Variants in NR3C1 observed in about 807,000 individuals in gnomAD.
NR3C1 encodes the protein glucocorticoid receptor.
NR3C1 carries 14 observed loss-of-function variants against 74.0 expected under a neutral mutation model. That is an observed-to-expected ratio of 0.19 (90% CI 0.12 to 0.30). NR3C1 has a LOEUF of 0.30. NR3C1 is among the 10% of genes least tolerant of loss of function. The pLI, the probability that NR3C1 is intolerant of heterozygous loss-of-function variation, is 1.00. For missense variants in NR3C1, 695 were observed against 909.8 expected, an observed-to-expected ratio of 0.76 and a Z score of 3.04; for synonymous variants, 308 against 332.5, an observed-to-expected ratio of 0.93 and a Z score of 0.80.
upstream of NR3C1, chr5:143,403,913 G>C (rs1055045938): frequency 7.1e-6 from 7 of 983,046 alleles, no homozygotes; most frequent in South Asian, 2.3e-4. Flanking sequence ...CGCCCCGCCC[G>C]GTGCGCCGCG....
At chr5:143,332,637 C>T in intron 2 of NR3C1, 9 of 1,549,774 alleles carry the variant, frequency 5.8e-6, no homozygotes, top group Non-Finnish European at 7.0e-6. Context: ...AGGAAAAGGG[C>T]TCAGGTTTAA....
intron 2 of NR3C1, among the ~76,000 whole-genome samples, chr5:143,343,919 CTCAT>C (rs1828720215): frequency 1.3e-5 from 2 of 152,178 alleles, no homozygotes; most frequent in Admixed American, 6.5e-5. Context: ...AACTGCAAAT[CTCAT>C]TCACTCAATT....
At chr5:143,402,188 CACGAG>C (rs1281252561) in intron 1 of NR3C1, among the ~76,000 whole-genome samples, 2 of 152,182 alleles carry the variant, frequency 1.3e-5, no homozygotes, top group African/African-American at 2.4e-5. Flanking sequence ...GATCTCTAAA[CACGAG>C]GTATCGAATG....
intron 2 of NR3C1, among the ~76,000 whole-genome samples, chr5:143,397,033 T>C (rs547706651): frequency 6.6e-6 from 1 of 151,968 alleles, no homozygotes; most frequent in African/African-American, 2.4e-5. Flanking sequence ...GTTTCTCTTG[T>C]TTTACTATAA....
chr5:143,370,739 A>C (rs929121638), intron 2 of NR3C1, among the ~76,000 whole-genome samples: 2 of 152,228 alleles, frequency 1.3e-5, no homozygotes, highest in Non-Finnish European at 2.9e-5. Context: ...ATAGATGAAG[A>C]AACACAAAAA....
At chr5:143,365,836 T>C (rs771438788) in intron 2 of NR3C1, among the ~76,000 whole-genome samples, 1 of 152,048 alleles carries the variant, frequency 6.6e-6, no homozygotes, top group African/African-American at 2.4e-5. Context: ...ACACTGAGAA[T>C]TAACAAAGAA....
upstream of NR3C1, chr5:143,405,077 C>T: frequency 2.1e-6 from 2 of 973,380 alleles, no homozygotes; most frequent in Non-Finnish European, 2.4e-6. Context: ...GTGCGGGAAG[C>T]CCCCGCCCCA....
At position 143,278,043 on chromosome 5, in the gene NR3C1, C is replaced by T. The variant is rs1365619187; in HGVS notation, c.*3846G>A. The T allele has an allele frequency of 6.6e-6, 1 of 152,042 alleles. No individual in the cohort carries two copies. Among genetic ancestry groups the T allele is most frequent in the African/African-American group, 2.4e-5 (1 of 41,390 alleles). The allele number at this position is 152,042 out of a possible 1,614,324, so 9.4% of individuals were successfully genotyped here. On this transcript the variant is annotated 3_prime_UTR_variant, in exon 9 of 9. Coordinates refer to ENST00000394464, the MANE Select transcript of NR3C1 (RefSeq NM_000176.3). ...AATGTGTGGTTTGGTAATACCAGAA[C>T]AGCAAATTTAAATGAAAAAATAAAA...
At chr5:143,373,415 A>C (rs1176620945) in intron 2 of NR3C1, among the ~76,000 whole-genome samples, 1 of 151,368 alleles carries the variant, frequency 6.6e-6, no homozygotes, top group Non-Finnish European at 1.5e-5. Context: ...TGAATCTTAC[A>C]AACAATGTTG....
intron 6 of NR3C1, among the ~76,000 whole-genome samples, chr5:143,297,944 A>G (rs191886572): frequency 1.3e-5 from 2 of 152,324 alleles, no homozygotes; most frequent in Admixed American, 1.3e-4. Context: ...GTGGGAAGAT[A>G]CTGAAGACAA....
At chr5:143,309,558 G>A (rs1820463822) in intron 4 of NR3C1, among the ~76,000 whole-genome samples, 2 of 152,010 alleles carry the variant, frequency 1.3e-5, no homozygotes, top group Non-Finnish European at 2.9e-5. Context: ...ACAGGCGTGA[G>A]CCACTGCACC....
rs534754247 is a variant in NR3C1 at position 143,339,759 on chromosome 5, C to T, written c.1185-25591G>A. Among the ~76,000 whole-genome samples, 4 of 152,218 alleles carry T rather than the reference C, an allele frequency of 2.6e-5. No individual in the cohort carries two copies. The South Asian group carries it at 8.3e-4, about 32-fold the overall frequency. On this transcript the variant is annotated intron_variant, in intron 2 of 8. Transcript: ENST00000394464. ...CCGGACTAAAGGATTCCAGACACAGCTGAGAGTAGAAATATCTTAAAAACA... is the reference window on the plus strand; with the variant it reads ...CCGGACTAAAGGATTCCAGACACAGTTGAGAGTAGAAATATCTTAAAAACA...
chr5:143,418,293 G>A (rs1040667460), intron 1 of NR3C1, among the ~76,000 whole-genome samples: 6 of 152,108 alleles, frequency 3.9e-5, no homozygotes, highest in African/African-American at 1.2e-4. Context: ...TTTGTGTAAC[G>A]TAGCAGACAA....
At chr5:143,379,733 C>T (rs949918534) in intron 2 of NR3C1, among the ~76,000 whole-genome samples, 2 of 152,096 alleles carry the variant, frequency 1.3e-5, no homozygotes, top group Non-Finnish European at 2.9e-5. Flanking sequence ...AACTCTAATG[C>T]TACTGTGTGA....
chr5:143,425,316 G>A (rs999600931), intron 1 of NR3C1, among the ~76,000 whole-genome samples: 3 of 152,100 alleles, frequency 2.0e-5, no homozygotes, highest in African/African-American at 7.2e-5. Context: ...TGGTTTGTTA[G>A]TTACAATACC....
At chr5:143,416,427 A>C (rs1009153066) in intron 1 of NR3C1, among the ~76,000 whole-genome samples, 3 of 151,972 alleles carry the variant, frequency 2.0e-5, no homozygotes, top group Admixed American at 1.3e-4. Context: ...GCTGTGGTCT[A>C]CCACTTAGAG....
chr5:143,404,277 C>G, upstream of NR3C1: 4 of 985,634 alleles, frequency 4.1e-6, no homozygotes, highest in Non-Finnish European at 4.8e-6. Flanking sequence ...GGAAACGGTG[C>G]CGCAGCGTCT....
chr5:143,318,540 C>G (rs1011027515), intron 2 of NR3C1, among the ~76,000 whole-genome samples: 1 of 152,146 alleles, frequency 6.6e-6, no homozygotes, highest in African/African-American at 2.4e-5. Flanking sequence ...ATTTGTCAAG[C>G]TCACAGTGGC....
upstream of NR3C1, chr5:143,403,708 C>T (rs923511127): frequency 2.0e-6 from 2 of 985,320 alleles, no homozygotes; most frequent in African/African-American, 3.5e-5. Context: ...CACACACTCG[C>T]ACACACGCGC....
Sources: gnomAD v4.1 joint callset for allele counts (sites outside exome capture counted in the v4.1 genomes callset) on GRCh38, gnomAD v4.1.1 for gene constraint, MANE v1.5 for transcripts, NCBI Gene and HGNC (gene_info 2026-07-23, HGNC 2026-07-21) for gene names.